MAN2A1: variants seen among roughly 807,000 people sequenced by gnomAD.
The protein encoded by MAN2A1 is alpha-mannosidase 2.
In MAN2A1, 76 loss-of-function variants were observed where a neutral mutation model predicts 142.6. The ratio of observed to expected loss-of-function variants is 0.53; its 90% CI spans 0.44 to 0.65. The LOEUF (loss-of-function observed/expected upper bound fraction) is 0.65. Among genes scored for constraint, MAN2A1 ranks in the 30% least tolerant of loss-of-function variants. The probability of loss-of-function intolerance (pLI) is 0.00; values close to 1 mark genes in which losing one functional copy is unlikely to be tolerated. For missense variants in MAN2A1, 1,311 were observed against 1,365.1 expected, an observed-to-expected ratio of 0.96 and a Z score of 0.62; for synonymous variants, 559 against 473.2, an observed-to-expected ratio of 1.18 and a Z score of -2.35.
At chr5:109,810,589 A>G (rs1187352562) in intron 12 of MAN2A1, among the ~76,000 whole-genome samples, 2 of 152,098 alleles carry the variant, frequency 1.3e-5, no homozygotes, top group Non-Finnish European at 2.9e-5. Context: ...AAGCCTCCCA[A>G]AGTCTCCACA....
chr5:109,766,134 T>C (rs1752982201), intron 5 of MAN2A1, among the ~76,000 whole-genome samples: 1 of 152,124 alleles, frequency 6.6e-6, no homozygotes, highest in Admixed American at 6.6e-5. Context: ...TATTTCCTCA[T>C]GAAAAACCAT....
intron 4 of MAN2A1, among the ~76,000 whole-genome samples, chr5:109,747,454 A>G (rs1017321197): frequency 6.6e-6 from 1 of 152,130 alleles, no homozygotes; most frequent in Non-Finnish European, 1.5e-5. Context: ...CTGTCACTGT[A>G]TGGATGAGTT....
chr5:109,843,731 C>T (rs891572055), intron 17 of MAN2A1, among the ~76,000 whole-genome samples: 7 of 152,120 alleles, frequency 4.6e-5, no homozygotes, highest in African/African-American at 1.7e-4. Flanking sequence ...TTTATACAAT[C>T]TTATCAGGTT....
rs776729919 is a variant in MAN2A1 at position 109,865,134 on chromosome 5, T to C, written c.3270T>C (p.Thr1090=). ...AAGGCACAGGGCTGTTTTGTTCTAC[T>C]ACTCAGGGAAAGGTAAGTTGAAAAG... ...SSKGTGLFCS[T]TQGKILVQKL... is the part of the protein sequence containing the mutation. Residue 1090 remains threonine, a synonymous_variant, in exon 21 of 22, where the codon ACT becomes ACC. Coordinates refer to ENST00000261483, the MANE Select transcript of MAN2A1 (RefSeq NM_002372.4). 1.9e-6 allele frequency: 3 copies of C among 1,613,066 alleles called. No individual in the cohort carries two copies. The Admixed American group carries it at 5.0e-5, about 27-fold the overall frequency.
At chr5:109,777,632 A>G (rs1301023598) in intron 8 of MAN2A1, among the ~76,000 whole-genome samples, 1 of 152,000 alleles carries the variant, frequency 6.6e-6, no homozygotes, top group African/African-American at 2.4e-5. Flanking sequence ...ATTTTTGTTT[A>G]TCATTTGGTT....
At chr5:109,759,954 TATATATATATAG>T (rs780105197) in intron 5 of MAN2A1, among the ~76,000 whole-genome samples, 3,883 of 29,006 alleles carry the variant, frequency 0.13, 62 homozygotes, top group Admixed American at 0.16. Context: ...TTGCTATATA[TATATATATATAG>T]ATAGATAGAT....
chr5:109,821,143 G>A (rs893917264), intron 15 of MAN2A1, among the ~76,000 whole-genome samples: 1 of 152,140 alleles, frequency 6.6e-6, no homozygotes, highest in East Asian at 1.9e-4. Flanking sequence ...GAAAACCATT[G>A]CCAACATTTG....
At chr5:109,813,152 G>A (rs1250140571) in intron 12 of MAN2A1, among the ~76,000 whole-genome samples, 1 of 152,122 alleles carries the variant, frequency 6.6e-6, no homozygotes, top group Admixed American at 6.5e-5. Context: ...TTCTGTTCCA[G>A]TGTTCCAGTA....
At chr5:109,703,273 A>G (rs1751039771) in intron 1 of MAN2A1, among the ~76,000 whole-genome samples, 1 of 152,250 alleles carries the variant, frequency 6.6e-6, no homozygotes, top group Non-Finnish European at 1.5e-5. Flanking sequence ...TTGTTAGCAT[A>G]TCCTAACATG....
intron 17 of MAN2A1, among the ~76,000 whole-genome samples, chr5:109,844,083 C>A (rs192946030): frequency 6.4e-4 from 98 of 152,260 alleles, no homozygotes; most frequent in African/African-American, 2.3e-3. Flanking sequence ...AAAATCTCAA[C>A]TTCATGGTGA....
At chr5:109,696,070 T>G (rs1413958699) in intron 1 of MAN2A1, among the ~76,000 whole-genome samples, 1 of 151,912 alleles carries the variant, frequency 6.6e-6, no homozygotes, top group Non-Finnish European at 1.5e-5. Context: ...AATTATATTT[T>G]ATGCAGACAG....
intron 1 of MAN2A1, among the ~76,000 whole-genome samples, chr5:109,705,614 A>G (rs1751108729): frequency 6.6e-6 from 1 of 152,220 alleles, no homozygotes; most frequent in Non-Finnish European, 1.5e-5. Flanking sequence ...TTTGCTAAGT[A>G]TATTAGTTTC....
chr5:109,708,477 T>G (rs1206634010), intron 1 of MAN2A1, among the ~76,000 whole-genome samples: 1 of 139,120 alleles, frequency 7.2e-6, no homozygotes, highest in East Asian at 2.5e-4. Flanking sequence ...AGATGTTTTA[T>G]TCAGGGTTCT....
intron 1 of MAN2A1, among the ~76,000 whole-genome samples, chr5:109,700,813 A>G (rs76844056): frequency 0.019 from 2,823 of 152,298 alleles, 34 homozygotes; most frequent in Middle Eastern, 0.071. Flanking sequence ...CTTATAATTC[A>G]CTGGCCTTCC....
chr5:109,732,300 C>G (rs1751938084), intron 4 of MAN2A1, among the ~76,000 whole-genome samples: 1 of 151,616 alleles, frequency 6.6e-6, no homozygotes, highest in African/African-American at 2.4e-5. Flanking sequence ...AATTTTCTCC[C>G]ATTTTGTAGG....
At chr5:109,773,091 T>TGTGACCCAACA (rs1753192507) in intron 7 of MAN2A1, among the ~76,000 whole-genome samples, 1 of 152,226 alleles carries the variant, frequency 6.6e-6, no homozygotes, top group Non-Finnish European at 1.5e-5. Context: ...ATCTGTATGT[T>TGTGACCCAACA]TTCAAATGTG....
In MAN2A1 at chr5:109,690,438, C is replaced by G; in HGVS notation, c.21C>G (p.Phe7Leu). 6.2e-7 allele frequency: 1 copy of G among 1,614,092 alleles called. No individual in the cohort carries two copies. The highest frequency in any genetic ancestry group is 8.5e-7 in the Non-Finnish European group (1 of 1,179,950). The change falls in exon 1 of 22, where the codon TTC becomes TTG. Residue 7 changes from phenylalanine (F) to leucine (L), a missense_variant. This residue lies in a region of MAN2A1 where 409 missense variants were observed against 412.7 expected (regional missense o/e 0.99). Transcript: ENST00000261483. ...GGAAAATGAAGTTAAGCCGCCAGTT[C>G]ACCGTGTTCGGCAGTGCGATCTTCT... MKLSRQ[F>L]TVFGSAIFCV... is the part of the protein sequence containing the mutation.
At chr5:109,833,096 C>G (rs962799125) in intron 16 of MAN2A1, among the ~76,000 whole-genome samples, 2 of 151,168 alleles carry the variant, frequency 1.3e-5, no homozygotes, top group Non-Finnish European at 3.0e-5. Flanking sequence ...AGGCGCTCCC[C>G]ATATCTCAGA....
rs528473935 is a variant in MAN2A1, at chr5:109,841,411, C to T, written c.2567-917C>T. Among the ~76,000 whole-genome samples, 9 of 152,254 alleles carry T rather than the reference C, an allele frequency of 5.9e-5. 1 individual carries two copies. The South Asian group carries it at 1.9e-3, about 32-fold the overall frequency. On this transcript the variant is annotated intron_variant, in intron 16 of 21. Transcript: ENST00000261483. The stretch of plus-strand genomic sequence containing the variant: ...ACATACAGTGTTTGGTTTTCCATTC[C>T]TGAGTTACTTCACTTAGAATAATAG...
Sources: allele counts gnomAD v4.1 joint callset (sites outside exome capture counted in the v4.1 genomes callset), GRCh38; gene constraint gnomAD v4.1.1; regional missense constraint gnomAD v4.1.1; transcripts MANE v1.5; gene names NCBI Gene and HGNC (gene_info 2026-07-23, HGNC 2026-07-21).